Variants in RBM12 observed in about 807,000 individuals in gnomAD.
The protein encoded by RBM12 is RNA binding motif protein 12, also known as RNA-binding protein 12.
RBM12 carries 24 observed loss-of-function variants against 37.2 expected under a neutral mutation model. The ratio of observed to expected loss-of-function variants is 0.65; its 90% CI spans 0.47 to 0.91. The LOEUF is 0.91. RBM12 is among the 40% of genes least tolerant of loss of function. The pLI, the probability that RBM12 is intolerant of heterozygous loss-of-function variation, is 0.00. For missense variants in RBM12, 1,061 were observed against 1,183.2 expected (o/e 0.90, Z 1.52); for synonymous variants, 420 against 425.2 (o/e 0.99, Z 0.15).
At chr20:35,662,022 CA>C (rs2034256187) in intron 1 of RBM12, among the ~76,000 whole-genome samples, 1 of 152,118 alleles carries the variant, frequency 6.6e-6, no homozygotes, top group Non-Finnish European at 1.5e-5. Context: ...CAGTTTCAGC[CA>C]CTTGATTTTG....
Position 35,654,945 on chromosome 20 carries a change from A to G in RBM12, c.378T>C (p.Phe126=), listed in dbSNP as rs921798591. The part of the protein sequence containing the change: ...RVNLPTTVSN[F]NNPSPSVVTA... ...TAACTACACTGGGTGATGGATTATT[A>G]AAGTTGGATACTGTTGTGGGCAAGT... is the stretch of plus-strand genomic sequence containing the variant. The change falls in exon 3 of 3, where the codon TTT becomes TTC. Residue 126 remains phenylalanine (F), a synonymous_variant. Coordinates refer to ENST00000374114, the MANE Select transcript of RBM12 (RefSeq NM_006047.6). 4 of 1,614,072 alleles carry G rather than the reference A, an allele frequency of 2.5e-6. No individual in the cohort carries two copies. The highest frequency in any genetic ancestry group is 3.4e-6 in the Non-Finnish European group (4 of 1,180,044).
intron 1 of RBM12, among the ~76,000 whole-genome samples, chr20:35,663,999 C>A (rs1296384298): frequency 6.6e-6 from 1 of 152,226 alleles, no homozygotes; most frequent in African/African-American, 2.4e-5. Flanking sequence ...CTCACAGCAG[C>A]CCCTTCCCTA....
chr20:35,653,495 T>A lies in RBM12; in HGVS notation c.1828A>T (p.Asn610Tyr). ...ACATGAACAAAAGCTTCTCTCCCAT[T>A]AAGTTTTTTACGGTGTAAGCGTTCA... ...KSERLHRKKL[N>Y]GREAFVHVVT... Residue 610 changes from asparagine to tyrosine, a missense_variant, in exon 3 of 3, where the codon AAT (asparagine) becomes TAT (tyrosine). Physicochemically the swap from Asn to Tyr is moderately radical, Grantham distance 143. Around this residue, in one of 3 missense-constraint regions of RBM12, gnomAD observed 517 missense variants for 534.0 expected, o/e 0.97. Transcript: ENST00000374114. 1 of 1,614,242 alleles carries A rather than the reference T, an allele frequency of 6.2e-7. No homozygotes were observed. The highest frequency in any genetic ancestry group is 1.3e-5 in the African/African-American group (1 of 75,064).
In RBM12 at chr20:35,652,344, A is replaced by G; in HGVS notation, c.*180T>C. ...GATAGCTTTACTGTAACATACAGCA[A>G]TGTTTATCCTGGTGAGTGAGTCTTC... On this transcript the variant is annotated 3_prime_UTR_variant, in exon 3 of 3. Coordinates refer to ENST00000374114, the MANE Select transcript of RBM12 (RefSeq NM_006047.6). 1 of 663,576 alleles carries G rather than the reference A, an allele frequency of 1.5e-6. No individual in the cohort carries two copies. The highest frequency in any genetic ancestry group is 2.5e-6 in the Non-Finnish European group (1 of 400,258). 41.1% of individuals were successfully genotyped at this position (663,576 alleles called of 1,614,324 possible).
intron 2 of RBM12, among the ~76,000 whole-genome samples, chr20:35,657,730 G>A (rs2033982233): frequency 1.3e-5 from 2 of 152,204 alleles, no homozygotes; most frequent in Non-Finnish European, 1.5e-5. Context: ...AAAGCCATCT[G>A]ATGAGAAAAA....
chr20:35,657,023 G>A (rs1244660867), intron 2 of RBM12, among the ~76,000 whole-genome samples: 1 of 152,102 alleles, frequency 6.6e-6, no homozygotes. Flanking sequence ...TATTACAACT[G>A]CCGTATACAA....
chr20:35,653,769 T>A lies in RBM12; in HGVS notation c.1554A>T (p.Arg518=). Residue 518 remains arginine (R), a synonymous_variant, in exon 3 of 3, where the codon CGA becomes CGT. Transcript: ENST00000374114. The part of the protein sequence containing the change: ...KGMLEKIDMI[R]KRLQNFSYDQ... ...CATAGCTGAAGTTCTGCAGTCTTTT[T>A]CGAATCATATCTATCTTTTCTAGCA... The A allele has an allele frequency of 6.2e-7, 1 of 1,614,148 alleles. No homozygotes were observed. The highest frequency in any genetic ancestry group is 8.5e-7 in the Non-Finnish European group (1 of 1,180,040).
chr20:35,656,518 C>G (rs945516442), intron 2 of RBM12, among the ~76,000 whole-genome samples: 1 of 152,166 alleles, frequency 6.6e-6, no homozygotes, highest in Admixed American at 6.6e-5. Context: ...TCCAACCCAT[C>G]TGAAAAGTCA....
intron 2 of RBM12, among the ~76,000 whole-genome samples, chr20:35,658,616 C>G (rs772449622): frequency 1.7e-4 from 26 of 151,978 alleles, no homozygotes; most frequent in Non-Finnish European, 3.1e-4. Context: ...AAAAAATTAG[C>G]CGGGTATGGT....
intron 1 of RBM12, among the ~76,000 whole-genome samples, chr20:35,659,413 A>G (rs1210631590): frequency 6.6e-6 from 1 of 152,234 alleles, no homozygotes; most frequent in Non-Finnish European, 1.5e-5. Context: ...GAAAAGGCAC[A>G]AGTTCGCACA....
At position 35,658,480 on chromosome 20, in the gene RBM12, G is replaced by A. The variant is rs779459057; in HGVS notation, c.-23+450C>T. 5.3e-5 allele frequency among the ~76,000 whole-genome samples: 8 copies of A among 152,038 alleles called. No individual in the cohort carries two copies. The East Asian group carries it at 5.8e-4, about 11-fold the overall frequency. On this transcript the variant is annotated intron_variant, in intron 2 of 2. Coordinates refer to ENST00000374114, the MANE Select transcript of RBM12 (RefSeq NM_006047.6). The stretch of plus-strand genomic sequence containing the variant: ...AGATAAACTTGTAAAAAACCACACC[G>A]GCCTGGGTGGCGGCTCATGCCTGTA...
At chr20:35,658,870 TTAA>T in intron 2 of RBM12, 57 bp downstream of exon 2, 1 of 705,054 alleles carries the variant, frequency 1.4e-6, no homozygotes, top group Non-Finnish European at 2.6e-6. Context: ...TTCATATTTC[TTAA>T]TAAGCTATCT....
In RBM12 at chr20:35,654,710, T is replaced by G; in HGVS notation, c.613A>C (p.Ile205Leu). The change falls in exon 3 of 3, where the codon ATT becomes CTT. Residue 205 changes from isoleucine to leucine, a missense_variant. By Grantham distance (5) the Ile-to-Leu change is conservative. Coordinates refer to ENST00000374114, the MANE Select transcript of RBM12 (RefSeq NM_006047.6). Reference protein sequence around the residue: ...AMPSLPPMPSIPPIPVPPPVP... With the variant: ...AMPSLPPMPSLPPIPVPPPVP... ...GGAGGAGGAACTGGAATTGGGGGAA[T>G]GGATGGCATTGGTGGCAGAGATGGC... is the stretch of plus-strand genomic sequence containing the variant. 1 of 1,613,712 alleles carries G rather than the reference T, an allele frequency of 6.2e-7. No individual in the cohort carries two copies. The highest frequency in any genetic ancestry group is 8.5e-7 in the Non-Finnish European group (1 of 1,179,732).
Position 35,652,619 on chromosome 20 carries a change from C to T in RBM12, c.2704G>A (p.Val902Met), listed in dbSNP as rs759886363. ...GCTTCATCCCGAGACTCAAAGGCCACCATGGCTTCACCTGTGGGCATACCT... is the reference window on the plus strand; with the variant it reads ...GCTTCATCCCGAGACTCAAAGGCCATCATGGCTTCACCTGTGGGCATACCT... ...EKGMPTGEAMVAFESRDEATA... is the reference protein window; with the variant it reads ...EKGMPTGEAMMAFESRDEATA... Residue 902 changes from valine (V) to methionine (M), a missense_variant, in exon 3 of 3, where the codon GTG becomes ATG. Val to Met is a conservative substitution (Grantham distance 21). Transcript: ENST00000374114. 1 of 1,614,152 alleles carries T rather than the reference C, an allele frequency of 6.2e-7. No homozygotes were observed. Among genetic ancestry groups the T allele is most frequent in the Non-Finnish European group, 8.5e-7 (1 of 1,179,978 alleles).
Position 35,650,895 on chromosome 20 carries a change from C to G in RBM12, c.*1629G>C, listed in dbSNP as rs901279800. The G allele has an allele frequency of 7.2e-5, 11 of 152,674 alleles. No individual in the cohort carries two copies. Among genetic ancestry groups the G allele is most frequent in the Non-Finnish European group, 1.3e-4 (9 of 68,008 alleles). The allele number at this position is 152,674 out of a possible 1,614,324, so 9.5% of individuals were successfully genotyped here. A position where few individuals can be genotyped will look rare whatever the true frequency, so the allele number is the denominator to read the frequency against. On this transcript the variant is annotated 3_prime_UTR_variant, in exon 3 of 3. Coordinates refer to ENST00000374114, the MANE Select transcript of RBM12 (RefSeq NM_006047.6). The stretch of plus-strand genomic sequence containing the variant: ...AAAGACTGACCCCTTTGTAACTACG[C>G]TGATTTGTAGGAAATGTTGGGGATG...
intron 2 of RBM12, 100 bp downstream of exon 2, chr20:35,658,829 AC>A: frequency 1.6e-6 from 1 of 627,908 alleles, no homozygotes; most frequent in Non-Finnish European, 2.9e-6. Flanking sequence ...ACACACACAC[AC>A]ACACACACAA....
At chr20:35,661,119 C>T (rs1451641715) in intron 1 of RBM12, among the ~76,000 whole-genome samples, 1 of 152,184 alleles carries the variant, frequency 6.6e-6, no homozygotes, top group Non-Finnish European at 1.5e-5. Flanking sequence ...ATACCCACCC[C>T]ACCCCATACC....
chr20:35,653,667 T>C lies in RBM12; in HGVS notation c.1656A>G (p.Pro552=), dbSNP rs150600825. 624 of 1,614,202 alleles carry C rather than the reference T, an allele frequency of 3.9e-4. 7 individuals are homozygous for C. In the East Asian group the frequency reaches 0.012, roughly 30 times the overall value. Residue 552 remains proline, a synonymous_variant, in exon 3 of 3, where the codon CCA becomes CCG. Transcript: ENST00000374114. ...GAACATCCATCTTTGTAATGCTGAA[T>C]GGAATATTTGTTATGTGGGCACAGA... ...AKVCAHITNI[P]FSITKMDVLQ...
Position 35,654,342 on chromosome 20 carries a change from G to A in RBM12, c.981C>T (p.Leu327=), listed in dbSNP as rs753040213. 1 of 1,614,022 alleles carries A rather than the reference G, an allele frequency of 6.2e-7. No individual in the cohort carries two copies. The highest frequency in any genetic ancestry group is 8.5e-7 in the Non-Finnish European group (1 of 1,180,012). ...ENDVRDFFHG[L]RVDAVHLLKD... is the part of the protein sequence containing the mutation. ...TCAACAAATGCACTGCATCAACACG[G>A]AGCCCATGAAAAAAATCTCTGACAT... Residue 327 remains leucine, a synonymous_variant, in exon 3 of 3, where the codon CTC becomes CTT. Coordinates refer to ENST00000374114, the MANE Select transcript of RBM12 (RefSeq NM_006047.6).
Sources: allele counts gnomAD v4.1 joint callset (sites outside exome capture counted in the v4.1 genomes callset), GRCh38; gene constraint gnomAD v4.1.1; regional missense constraint gnomAD v4.1.1; transcripts MANE v1.5; gene names NCBI Gene and HGNC (gene_info 2026-07-23, HGNC 2026-07-21).